Variants in TCF7L2 observed in about 807,000 individuals in gnomAD.
TCF7L2 encodes transcription factor 7 like 2, also known as transcription factor 7-like 2.
A neutral mutation model predicts 77.9 loss-of-function variants in TCF7L2; 23 were observed. The ratio of observed to expected loss-of-function variants is 0.30; its 90% CI spans 0.21 to 0.42. TCF7L2 has a LOEUF of 0.42. Ranked by LOEUF, TCF7L2 falls within the 10% of genes least tolerant of loss-of-function variation. The pLI is 1.00. For missense variants in TCF7L2, 654 were observed against 793.1 expected (o/e 0.82, Z 2.11); for synonymous variants, 413 against 340.2 (o/e 1.21, Z -2.36).
intron 5 of TCF7L2, among the ~76,000 whole-genome samples, chr10:113,069,489 C>T (rs187057912): frequency 6.6e-6 from 1 of 152,280 alleles, no homozygotes; most frequent in African/African-American, 2.4e-5. Flanking sequence ...CTCTACCTCT[C>T]AAAGTGCTGG....
chr10:112,964,551 T>C lies in TCF7L2; in HGVS notation c.382-5T>C, dbSNP rs1470160959. On this transcript the variant is annotated splice_region_variant and splice_polypyrimidine_tract_variant and intron_variant, in intron 3 of 13. Transcript: ENST00000627217. ...AGAACGCTTTGATTTGGTTTCTTTC[T>C]ACAGCTCCATTTTCAGTCCGGCAGC... 1 of 1,613,152 alleles carries C rather than the reference T, an allele frequency of 6.2e-7. No individual in the cohort carries two copies. Among genetic ancestry groups the C allele is most frequent in the Non-Finnish European group, 8.5e-7 (1 of 1,179,396 alleles).
intron 5 of TCF7L2, chr10:113,133,391 CCT>C (rs1313349385): frequency 6.6e-6 from 1 of 152,254 alleles, no homozygotes; most frequent in African/African-American, 2.4e-5. Flanking sequence ...CCACCCACCA[CCT>C]CTCACCCCCC....
chr10:112,989,514 A>G (rs925047119), intron 4 of TCF7L2, among the ~76,000 whole-genome samples: 45 of 152,246 alleles, frequency 3.0e-4, no homozygotes, highest in Admixed American at 1.2e-3. Context: ...TAATTATGGC[A>G]TGTAATGTAA....
At chr10:112,980,800 G>T (rs1307784227) in intron 4 of TCF7L2, among the ~76,000 whole-genome samples, 1 of 151,884 alleles carries the variant, frequency 6.6e-6, no homozygotes, top group Admixed American at 6.6e-5. Context: ...CTAATTTTTT[G>T]TATTTTTAGT....
intron 5 of TCF7L2, among the ~76,000 whole-genome samples, chr10:113,042,395 C>A (rs985391489): frequency 2.0e-5 from 3 of 152,124 alleles, no homozygotes; most frequent in Admixed American, 2.0e-4. Context: ...TCAAGGGGAT[C>A]TGGGAATGGC....
At chr10:113,039,985 A>G (rs2052150436) in intron 4 of TCF7L2, 40 bp from the exon 5 acceptor site, 1 of 1,579,620 alleles carries the variant, frequency 6.3e-7, no homozygotes, top group Non-Finnish European at 8.7e-7. Context: ...TACTTTCTGA[A>G]TTCATTGTTT....
intron 13 of TCF7L2, chr10:113,161,745 G>A: frequency 1.2e-6 from 1 of 851,008 alleles, no homozygotes; most frequent in Non-Finnish European, 1.9e-6. Flanking sequence ...ATGCCCACGA[G>A]TCTCCTGTGT....
intron 5 of TCF7L2, chr10:113,126,896 C>CGGCG (rs906920649): frequency 1.5e-5 from 15 of 985,276 alleles, no homozygotes; most frequent in Middle Eastern, 9.7e-4. Flanking sequence ...GCGCGGCCGG[C>CGGCG]GGCGGGCGGG....
In TCF7L2 at chr10:113,166,347, G is replaced by A. The variant is rs1054428642; in HGVS notation, c.*375G>A. On this transcript the variant is annotated 3_prime_UTR_variant, in exon 14 of 14. Coordinates refer to ENST00000627217, the MANE Select transcript of TCF7L2 (RefSeq NM_001146274.2). ...AAAGCAATTTTGAAGCAGCCCTCCA[G>A]AAGGAGTTGGTTCTGTATTATTTGT... 1 of 234,084 alleles carries A rather than the reference G, an allele frequency of 4.3e-6. No individual in the cohort carries two copies. The highest frequency in any genetic ancestry group is 8.4e-6 in the Non-Finnish European group (1 of 119,540). The allele number at this position is 234,084 out of a possible 1,614,324, so 14.5% of individuals were successfully genotyped here. A position where few individuals can be genotyped will look rare whatever the true frequency, so the allele number is the denominator to read the frequency against.
At chr10:113,121,092 A>G (rs2064695157) in intron 5 of TCF7L2, among the ~76,000 whole-genome samples, 1 of 152,208 alleles carries the variant, frequency 6.6e-6, no homozygotes, top group Non-Finnish European at 1.5e-5. Flanking sequence ...TTGAGGCAAA[A>G]GGAAGAGTCA....
intron 3 of TCF7L2, among the ~76,000 whole-genome samples, chr10:112,963,381 C>CTAAAT (rs2035796230): frequency 1.3e-5 from 2 of 152,138 alleles, no homozygotes; most frequent in African/African-American, 4.8e-5. Context: ...AACTCGCAGC[C>CTAAAT]TAAATTACAC....
intron 5 of TCF7L2, among the ~76,000 whole-genome samples, chr10:113,043,674 C>T (rs956180206): frequency 2.6e-5 from 4 of 152,176 alleles, no homozygotes; most frequent in Non-Finnish European, 5.9e-5. Context: ...TTCCAAGACA[C>T]CCCCACCCCC....
At chr10:113,110,885 A>G (rs1289059658) in intron 5 of TCF7L2, among the ~76,000 whole-genome samples, 1 of 152,224 alleles carries the variant, frequency 6.6e-6, no homozygotes, top group Admixed American at 6.5e-5. Context: ...GGTCAGACAA[A>G]ATAGCCAACA....
chr10:113,040,691 A>G (rs1332707703), intron 5 of TCF7L2, among the ~76,000 whole-genome samples: 2 of 152,230 alleles, frequency 1.3e-5, no homozygotes, highest in East Asian at 3.8e-4. Context: ...CTTTGAAAGT[A>G]TGTAGGTTTG....
intron 5 of TCF7L2, among the ~76,000 whole-genome samples, chr10:113,077,148 A>C (rs1309326731): frequency 6.6e-6 from 1 of 152,204 alleles, no homozygotes; most frequent in African/African-American, 2.4e-5. Flanking sequence ...TCAGCCAGGC[A>C]GTGGAAAGAA....
intron 4 of TCF7L2, among the ~76,000 whole-genome samples, chr10:113,011,131 G>A (rs1330937661): frequency 6.6e-6 from 1 of 152,232 alleles, no homozygotes; most frequent in Non-Finnish European, 1.5e-5. Context: ...TTAATGGTTA[G>A]TGGCAGGAGG....
Position 113,141,374 on chromosome 10 carries a change from C to A in TCF7L2, c.685+58C>A. The stretch of plus-strand genomic sequence containing the variant: ...GCTGGTCCTGGGGTTCTGGGGGAAC[C>A]TTTGAGGCCTCCACAGGAACCCCAG... On this transcript the variant is annotated intron_variant, in intron 6 of 13. Transcript: ENST00000627217. 8 of 1,609,792 alleles carry A rather than the reference C, an allele frequency of 5.0e-6. No homozygotes were observed. In the East Asian group the frequency reaches 6.7e-5, roughly 13 times the overall value.
At chr10:113,156,808 A>G (rs1756444150) in intron 11 of TCF7L2, among the ~76,000 whole-genome samples, 1 of 152,208 alleles carries the variant, frequency 6.6e-6, no homozygotes, top group African/African-American at 2.4e-5. Context: ...TGGAGCCAAG[A>G]CCACCTGAGT....
Position 113,089,893 on chromosome 10 carries a change from A to T in TCF7L2, c.552+49767A>T, listed in dbSNP as rs545436329. 1.2e-4 allele frequency among the ~76,000 whole-genome samples: 19 copies of T among 152,110 alleles called. No individual in the cohort carries two copies. The South Asian group carries it at 2.9e-3, about 23-fold the overall frequency. On this transcript the variant is annotated intron_variant, in intron 5 of 13. Coordinates refer to ENST00000627217, the MANE Select transcript of TCF7L2 (RefSeq NM_001146274.2). ...TTGGCCCCAGGAAGTGTCTCTTGGG[A>T]CTCTTCACAGTTCACAATGGAGGAG...
Sources: allele counts gnomAD v4.1 joint callset (sites outside exome capture counted in the v4.1 genomes callset), GRCh38; gene constraint gnomAD v4.1.1; transcripts MANE v1.5; gene names NCBI Gene and HGNC (gene_info 2026-07-23, HGNC 2026-07-21).